KCNQ2: variants seen among roughly 807,000 people sequenced by gnomAD.
KCNQ2 encodes potassium voltage-gated channel subfamily Q member 2.
In KCNQ2, 14 loss-of-function variants were observed where a neutral mutation model predicts 84.8. The observed-to-expected ratio is 0.17, with a 90% CI of 0.11 to 0.26. The LOEUF is 0.26. Among genes scored for constraint, KCNQ2 ranks in the 10% least tolerant of loss-of-function variants. The pLI, the probability that KCNQ2 is intolerant of heterozygous loss-of-function variation, is 1.00. For missense variants in KCNQ2, 788 were observed against 1,254.0 expected, an observed-to-expected ratio of 0.63 and a Z score of 5.61; for synonymous variants, 599 against 554.1, an observed-to-expected ratio of 1.08 and a Z score of -1.14.
chr20:63,472,333 C>T lies in KCNQ2; in HGVS notation c.131G>A (p.Gly44Asp). ...STRDGALLIA[G>D]SEAPKRGSIL... ...GCTGCCGCGCTTGGGGGCCTCGGAG[C>T]CGGCGATCAGCAGCGCCCCGTCCCG... Residue 44 changes from glycine (G) to aspartate (D), a missense_variant, in exon 1 of 17, where the codon GGC becomes GAC. Around this residue, in one of 8 missense-constraint regions of KCNQ2, gnomAD observed 106 missense variants for 214.8 expected, o/e 0.49. Transcript: ENST00000359125. 1 of 1,537,284 alleles carries T rather than the reference C, an allele frequency of 6.5e-7. No individual in the cohort carries two copies.
At position 63,458,906 on chromosome 20, in the gene KCNQ2, T is replaced by A. The variant is rs1286339383; in HGVS notation, c.297-12069A>T. 3.3e-5 allele frequency: 5 copies of A among 152,358 alleles called. No individual in the cohort carries two copies. In the East Asian group the frequency reaches 9.7e-4, roughly 29 times the overall value. 9.4% of individuals were successfully genotyped at this position (152,358 alleles called of 1,614,324 possible). On this transcript the variant is annotated intron_variant, in intron 1 of 16. Transcript: ENST00000359125. ...CCTGTGTGGGTCTGGGGGGCTGAGA[T>A]GAGGAGGGCACGGCCCACCCAGGGC...
At chr20:63,464,996 C>T (rs377705275) in intron 1 of KCNQ2, among the ~76,000 whole-genome samples, 32 of 152,356 alleles carry the variant, frequency 2.1e-4, no homozygotes, top group Middle Eastern at 3.4e-3. Context: ...ACCAAGGGCA[C>T]GCTATTTCAG....
chr20:63,471,443 G>A (rs1305806729), intron 1 of KCNQ2, among the ~76,000 whole-genome samples: 2 of 152,236 alleles, frequency 1.3e-5, no homozygotes, highest in Non-Finnish European at 2.9e-5. Flanking sequence ...GGGGGTCCCA[G>A]GTCTGCCGCA....
intron 12 of KCNQ2, 37 bp from the exon 13 acceptor site, chr20:63,415,163 AGG>A (rs1252631055): frequency 6.4e-7 from 1 of 1,563,294 alleles, no homozygotes; most frequent in Non-Finnish European, 8.7e-7. Context: ...ACAGAAAAAC[AGG>A]GAGAGAAGTC....
At chr20:63,441,606 C>A (rs990580748) in intron 5 of KCNQ2, among the ~76,000 whole-genome samples, 1 of 152,164 alleles carries the variant, frequency 6.6e-6, no homozygotes, top group South Asian at 2.1e-4. Context: ...CAGCTCAGGA[C>A]GCCCCGGGCC....
At chr20:63,467,917 C>T (rs1378775648) in intron 1 of KCNQ2, among the ~76,000 whole-genome samples, 2 of 152,310 alleles carry the variant, frequency 1.3e-5, no homozygotes, top group South Asian at 2.1e-4. Flanking sequence ...GCAGTGATTT[C>T]TAATAAAACA....
Position 63,446,306 on chromosome 20 carries a change from C to T in KCNQ2, c.387+441G>A. The T allele has an allele frequency of 3.8e-6, 1 of 263,842 alleles. No homozygotes were observed. The highest frequency in any genetic ancestry group is 4.4e-5 in the South Asian group (1 of 22,812). The allele number at this position is 263,842 out of a possible 1,614,324, so 16.3% of individuals were successfully genotyped here. A position where few individuals can be genotyped will look rare whatever the true frequency, so the allele number is the denominator to read the frequency against. On this transcript the variant is annotated intron_variant, in intron 2 of 16. Coordinates refer to ENST00000359125, the MANE Select transcript of KCNQ2 (RefSeq NM_172107.4). The surrounding 1 kb of genome is among the most constrained non-coding windows in gnomAD (Gnocchi z 5.5). ...GGGCCCCCCACCCCGTTACCAACAG[C>T]AACACAGGAACTGCACTCCCGTTGC...
chr20:63,444,794 G>A lies in KCNQ2; in HGVS notation c.555C>T (p.Ala185=), dbSNP rs182946332. Residue 185 remains alanine (A), a synonymous_variant, in exon 4 of 17, where the codon GCC becomes GCT. Transcript: ENST00000359125. ...VLIASIAVLA[A]GSQGNVFATS... ...TGGCAAAGACGTTGCCCTGGGAGCC[G>A]GCGGCCAGCACCGCAATGGAGGCGA... 2.1e-5 allele frequency: 33 copies of A among 1,607,806 alleles called. No homozygotes were observed. The highest frequency in any genetic ancestry group is 4.5e-5 in the East Asian group (2 of 44,618).
chr20:63,457,352 C>T (rs1288478891), intron 1 of KCNQ2, among the ~76,000 whole-genome samples: 1 of 152,250 alleles, frequency 6.6e-6, no homozygotes, highest in Admixed American at 6.5e-5. Flanking sequence ...GGAGGTGACC[C>T]AGGTGGGACC....
In KCNQ2 at chr20:63,460,763, C is replaced by A. The variant is rs558175741; in HGVS notation, c.296+11405G>T. 6.6e-6 allele frequency among the ~76,000 whole-genome samples: 1 copy of A among 152,354 alleles called. No individual in the cohort carries two copies. Among genetic ancestry groups the A allele is most frequent in the African/African-American group, 2.4e-5 (1 of 41,580 alleles). ...GCCTGCAGGACAGCCCTGGATGGGA[C>A]ACATGTGGATTCCCCAAGCCTCATG... On this transcript the variant is annotated intron_variant, in intron 1 of 16. Transcript: ENST00000359125. This position sits in a 1 kb window ranked among gnomAD's most constrained non-coding sequence, Gnocchi z 5.4.
At chr20:63,443,028 C>CT (rs1311465504) in intron 4 of KCNQ2, among the ~76,000 whole-genome samples, 1 of 8,674 alleles carries the variant, frequency 1.2e-4, no homozygotes, top group Non-Finnish European at 2.6e-4. Context: ...ACCACCATCA[C>CT]ATCACCACCA....
In KCNQ2 at chr20:63,419,689, C is replaced by T; in HGVS notation, c.1248-17G>A. 2 of 1,606,606 alleles carry T rather than the reference C, an allele frequency of 1.2e-6. No homozygotes were observed. The highest frequency in any genetic ancestry group is 1.7e-6 in the Non-Finnish European group (2 of 1,177,438). On this transcript the variant is annotated splice_polypyrimidine_tract_variant and intron_variant, in intron 11 of 16. Coordinates refer to ENST00000359125, the MANE Select transcript of KCNQ2 (RefSeq NM_172107.4). ...CTGCCTTTACTGGAAATGAGGAGAG[C>T]ACAGTTAGTCCTGGGCGCCGGCAAC...
At chr20:63,462,732 G>A (rs73918928) in intron 1 of KCNQ2, among the ~76,000 whole-genome samples, 2,606 of 152,290 alleles carry the variant, frequency 0.017, 105 homozygotes, top group South Asian at 0.17. Context: ...CATTTGCAGC[G>A]GCAAAGTCCT....
chr20:63,450,868 A>G (rs528538354), intron 1 of KCNQ2, among the ~76,000 whole-genome samples: 1 of 152,250 alleles, frequency 6.6e-6, no homozygotes, highest in South Asian at 2.1e-4. Context: ...CTGGCCATGC[A>G]TGGCGGCTCA....
Position 63,439,781 on chromosome 20 carries a change from C to T in KCNQ2, c.817-73G>A, listed in dbSNP as rs537984391. The T allele has an allele frequency of 8.4e-5, 95 of 1,133,874 alleles. No individual in the cohort carries two copies. In the African/African-American group the frequency reaches 1.0e-3, roughly 12 times the overall value. The allele number at this position is 1,133,874 out of a possible 1,614,324, so 70.2% of individuals were successfully genotyped here. On this transcript the variant is annotated intron_variant, in intron 5 of 16. Transcript: ENST00000359125. ...TGAGGGCAGGCTGGACGCCCGCTGGCGACTCGGGGCTTGGGATGGGACAGA... is the reference window on the plus strand; with the variant it reads ...TGAGGGCAGGCTGGACGCCCGCTGGTGACTCGGGGCTTGGGATGGGACAGA...
chr20:63,445,108 A>C (rs2081373188), intron 3 of KCNQ2, 130 bp downstream of exon 3: 2 of 1,282,924 alleles, frequency 1.6e-6, no homozygotes, highest in East Asian at 4.8e-5. Flanking sequence ...AGGTGAAAAG[A>C]AACTTCCAGA....
intron 1 of KCNQ2, among the ~76,000 whole-genome samples, chr20:63,455,800 ACCCCCC>A (rs2081768278): frequency 2.7e-5 from 2 of 74,182 alleles, no homozygotes; most frequent in South Asian, 5.5e-4. Flanking sequence ...GTGCTCACGG[ACCCCCC>A]ACCTCCGGGA....
At chr20:63,437,165 ACCAC>A (rs1313952010) in intron 7 of KCNQ2, among the ~76,000 whole-genome samples, 1 of 152,120 alleles carries the variant, frequency 6.6e-6, no homozygotes, top group Non-Finnish European at 1.5e-5. Flanking sequence ...GTGGTCTGGA[ACCAC>A]GGCTGCAGGT....
intron 1 of KCNQ2, among the ~76,000 whole-genome samples, chr20:63,451,485 T>C (rs371432201): frequency 5.3e-5 from 8 of 152,136 alleles, no homozygotes; most frequent in African/African-American, 1.7e-4. Flanking sequence ...GCTTGGGGAC[T>C]CCACGTAGCT....
Sources: gnomAD v4.1 joint callset for allele counts (sites outside exome capture counted in the v4.1 genomes callset) on GRCh38, gnomAD v4.1.1 for gene constraint, gnomAD v4.1.1 regional missense constraint, Gnocchi (gnomAD v3.1) non-coding constraint, MANE v1.5 for transcripts, NCBI Gene and HGNC (gene_info 2026-07-23, HGNC 2026-07-21) for gene names.